Variants in SGCZ observed in about 807,000 individuals in gnomAD.
SGCZ encodes the protein zeta-sarcoglycan.
Under a neutral mutation model 41.3 loss-of-function variants are expected in SGCZ, and 40 were observed. The ratio of observed to expected loss-of-function variants is 0.97; its 90% CI spans 0.75 to 1.26. SGCZ has a LOEUF of 1.26. Among genes scored for constraint, SGCZ ranks in the 50% most tolerant of loss-of-function variants. The pLI is 0.00. For missense variants in SGCZ, 552 were observed against 369.8 expected (o/e 1.49, Z -4.04); for synonymous variants, 206 against 137.5 (o/e 1.50, Z -3.49).
intron 1 of SGCZ, among the ~76,000 whole-genome samples, chr8:14,556,095 A>G (rs79884366): frequency 0.037 from 5,594 of 151,958 alleles, 128 homozygotes; most frequent in Non-Finnish European, 0.056. Context: ...ACTTAGAAAT[A>G]TGGATAAGAA....
At chr8:15,143,255 G>T (rs1055697738) in intron 1 of SGCZ, among the ~76,000 whole-genome samples, 2 of 152,164 alleles carry the variant, frequency 1.3e-5, no homozygotes, top group Non-Finnish European at 2.9e-5. Context: ...GTTCCACCAT[G>T]AGAGGAACCT....
At chr8:14,509,427 C>T (rs1241519147) in intron 2 of SGCZ, among the ~76,000 whole-genome samples, 1 of 152,072 alleles carries the variant, frequency 6.6e-6, no homozygotes, top group Non-Finnish European at 1.5e-5. Context: ...AATATAATTG[C>T]TTTGGATATG....
intron 1 of SGCZ, among the ~76,000 whole-genome samples, chr8:14,884,208 T>A (rs1309511801): frequency 6.6e-6 from 1 of 152,264 alleles, no homozygotes; most frequent in Admixed American, 6.5e-5. Context: ...GTGTCTTGTT[T>A]AGAATCCATT....
At chr8:14,274,588 G>A (rs1192388659) in intron 3 of SGCZ, among the ~76,000 whole-genome samples, 2 of 152,100 alleles carry the variant, frequency 1.3e-5, no homozygotes, top group Admixed American at 6.5e-5. Context: ...CCATGTTATT[G>A]TATATAACAA....
Position 14,642,420 on chromosome 8 carries a change from T to C in SGCZ, c.40-87494A>G, listed in dbSNP as rs142744212. Among the ~76,000 whole-genome samples the C allele has an allele frequency of 6.7e-3, 1,013 of 151,726 alleles. 10 individuals are homozygous for C. Among genetic ancestry groups the C allele is most frequent in the African/African-American group, 0.023 (957 of 41,506 alleles). On this transcript the variant is annotated intron_variant, in intron 1 of 7. Transcript: ENST00000382080. ...GACAAATCTCTTTCCTTATTGATGA[T>C]TTGAAAGATTCTCTTCAAGTCAAGT...
intron 2 of SGCZ, among the ~76,000 whole-genome samples, chr8:14,334,633 C>T (rs1442248419): frequency 6.6e-6 from 1 of 151,952 alleles, no homozygotes; most frequent in Non-Finnish European, 1.5e-5. Flanking sequence ...CATTTCCCAG[C>T]ACAAATTTCT....
rs540380907 is a variant in SGCZ, at chr8:14,677,964, C to G, written c.40-123038G>C. Among the ~76,000 whole-genome samples the G allele has an allele frequency of 2.6e-5, 4 of 152,108 alleles. No individual in the cohort carries two copies. In the East Asian group the frequency reaches 5.8e-4, roughly 22 times the overall value. On this transcript the variant is annotated intron_variant, in intron 1 of 7. Coordinates refer to ENST00000382080, the MANE Select transcript of SGCZ (RefSeq NM_139167.4). ...CTGGTGAAATAATAGACAAACAGAG[C>G]AATATAACAGCAAAGTGCCCAGAAA...
chr8:14,855,991 G>A (rs1031229523), intron 1 of SGCZ, among the ~76,000 whole-genome samples: 4 of 152,108 alleles, frequency 2.6e-5, no homozygotes, highest in African/African-American at 9.7e-5. Context: ...TATAGTTACC[G>A]ACAATTCAAT....
At chr8:14,334,658 T>C in intron 2 of SGCZ, among the ~76,000 whole-genome samples, 1 of 152,194 alleles carries the variant, frequency 6.6e-6, no homozygotes, top group East Asian at 1.9e-4. Context: ...TGCCTCAAAT[T>C]TGCATTGTGG....
At chr8:14,420,182 A>G (rs1356741236) in intron 2 of SGCZ, among the ~76,000 whole-genome samples, 2 of 151,766 alleles carry the variant, frequency 1.3e-5, no homozygotes, top group South Asian at 2.1e-4. Flanking sequence ...ACCCTATATT[A>G]CCCAGTAATT....
At position 14,343,147 on chromosome 8, in the gene SGCZ, G is replaced by A. The variant is rs577508994; in HGVS notation, c.235-18943C>T. Among the ~76,000 whole-genome samples, 6 of 152,364 alleles carry A rather than the reference G, an allele frequency of 3.9e-5. No individual in the cohort carries two copies. The East Asian group carries it at 1.2e-3, about 29-fold the overall frequency. ...CACCTCTGCCTAAATTTCAGAAGATGTATGGAAACACTTGGATGCCCAGGC... is the reference window on the plus strand; with the variant it reads ...CACCTCTGCCTAAATTTCAGAAGATATATGGAAACACTTGGATGCCCAGGC... On this transcript the variant is annotated intron_variant, in intron 2 of 7. Transcript: ENST00000382080.
At chr8:14,653,641 C>T (rs1431259773) in intron 1 of SGCZ, among the ~76,000 whole-genome samples, 7 of 152,086 alleles carry the variant, frequency 4.6e-5, no homozygotes, top group African/African-American at 1.7e-4. Context: ...CTATAAGCGA[C>T]CATGCTATCT....
intron 1 of SGCZ, among the ~76,000 whole-genome samples, chr8:14,573,482 C>A (rs984796645): frequency 2.0e-5 from 3 of 151,982 alleles, no homozygotes; most frequent in African/African-American, 7.2e-5. Context: ...GCCACTGCGC[C>A]CGGCCGCAAG....
chr8:14,910,847 G>T (rs1424805192), intron 1 of SGCZ, among the ~76,000 whole-genome samples: 2 of 151,874 alleles, frequency 1.3e-5, no homozygotes, highest in African/African-American at 2.4e-5. Flanking sequence ...TTAAAAACCA[G>T]ATGGCTTTTT....
chr8:14,241,323 C>T (rs1000060157), intron 3 of SGCZ, among the ~76,000 whole-genome samples: 1 of 151,098 alleles, frequency 6.6e-6, no homozygotes, highest in East Asian at 1.9e-4. Context: ...TTGATATTTT[C>T]TCATGGAATA....
intron 1 of SGCZ, among the ~76,000 whole-genome samples, chr8:14,737,748 C>T (rs1436416328): frequency 6.6e-6 from 1 of 151,960 alleles, no homozygotes; most frequent in Non-Finnish European, 1.5e-5. Flanking sequence ...ATATTGGATT[C>T]GAGCCTGTGC....
intron 1 of SGCZ, among the ~76,000 whole-genome samples, chr8:14,721,835 T>A (rs1304879124): frequency 1.3e-5 from 2 of 151,706 alleles, no homozygotes; most frequent in Non-Finnish European, 2.9e-5. Context: ...TGGCCATTCA[T>A]TAACTATCTG....
chr8:14,689,579 C>T (rs1390621631), intron 1 of SGCZ, among the ~76,000 whole-genome samples: 3 of 152,054 alleles, frequency 2.0e-5, no homozygotes, highest in African/African-American at 7.2e-5. Flanking sequence ...TAATTAAATT[C>T]TAGATTTAGT....
chr8:14,537,637 A>G (rs1469776474), intron 2 of SGCZ, among the ~76,000 whole-genome samples: 1 of 150,968 alleles, frequency 6.6e-6, no homozygotes, highest in Admixed American at 6.6e-5. Context: ...TCCATCAGAG[A>G]TTTAATACTG....
Sources: gnomAD v4.1 joint callset for allele counts (sites outside exome capture counted in the v4.1 genomes callset) on GRCh38, gnomAD v4.1.1 for gene constraint, MANE v1.5 for transcripts, NCBI Gene and HGNC (gene_info 2026-07-23, HGNC 2026-07-21) for gene names.